The following SDC2 variants were observed in gnomAD, a reference collection of about 807,000 sequenced individuals.
SDC2 encodes syndecan-2.
In SDC2, 13 loss-of-function variants were observed where a neutral mutation model predicts 22.2. The ratio of observed to expected loss-of-function variants is 0.59; its 90% CI spans 0.38 to 0.93. The LOEUF (loss-of-function observed/expected upper bound fraction) is 0.93. Among genes scored for constraint, SDC2 ranks in the 40% least tolerant of loss-of-function variants. The probability of loss-of-function intolerance (pLI) is 0.00; values close to 1 mark genes in which losing one functional copy is unlikely to be tolerated. For missense variants in SDC2, 235 were observed against 246.8 expected, an observed-to-expected ratio of 0.95 and a Z score of 0.32; for synonymous variants, 94 against 92.8, an observed-to-expected ratio of 1.01 and a Z score of -0.07.
At chr8:96,587,179 C>T (rs1814701415) in intron 1 of SDC2, among the ~76,000 whole-genome samples, 2 of 152,198 alleles carry the variant, frequency 1.3e-5, no homozygotes, top group African/African-American at 4.8e-5. Flanking sequence ...CTGCCTTGGC[C>T]TCCCAAAGTG....
At chr8:96,604,617 G>A (rs777800313) in intron 3 of SDC2, among the ~76,000 whole-genome samples, 4 of 149,430 alleles carry the variant, frequency 2.7e-5, no homozygotes, top group African/African-American at 5.0e-5. Context: ...TGGTCTCACA[G>A]TGGCATTAAT....
At chr8:96,536,246 A>T (rs1813752797) in intron 1 of SDC2, among the ~76,000 whole-genome samples, 1 of 152,000 alleles carries the variant, frequency 6.6e-6, no homozygotes, top group Non-Finnish European at 1.5e-5. Flanking sequence ...GGAGGCAGTG[A>T]CGTGGGTACT....
intron 1 of SDC2, chr8:96,586,599 C>T (rs1814691611): frequency 6.6e-6 from 1 of 152,238 alleles, no homozygotes; most frequent in Admixed American, 6.5e-5. Context: ...ATTCTGTCAT[C>T]TCCCAGACCT....
intron 1 of SDC2, among the ~76,000 whole-genome samples, chr8:96,534,001 G>A (rs867359974): frequency 6.6e-5 from 10 of 152,186 alleles, no homozygotes; most frequent in South Asian, 2.1e-4. Flanking sequence ...CAGTGCCGGC[G>A]GGCCAGCACT....
chr8:96,545,217 T>C (rs1813912408), intron 1 of SDC2, among the ~76,000 whole-genome samples: 3 of 152,360 alleles, frequency 2.0e-5, no homozygotes, highest in African/African-American at 7.2e-5. Context: ...AAGTCGAAAT[T>C]CAGTGGATAA....
At chr8:96,518,031 T>C (rs1813433701) in intron 1 of SDC2, among the ~76,000 whole-genome samples, 1 of 152,084 alleles carries the variant, frequency 6.6e-6, no homozygotes, top group African/African-American at 2.4e-5. Flanking sequence ...CTCCCTGAAA[T>C]GGAATGCCTT....
At chr8:96,539,393 G>A (rs1243215401) in intron 1 of SDC2, among the ~76,000 whole-genome samples, 1 of 152,170 alleles carries the variant, frequency 6.6e-6, no homozygotes, top group African/African-American at 2.4e-5. Flanking sequence ...GTAGGGTTGT[G>A]CACGTATAAA....
intron 1 of SDC2, among the ~76,000 whole-genome samples, chr8:96,548,121 CAATAAT>C (rs1164703254): frequency 6.6e-6 from 1 of 152,110 alleles, no homozygotes; most frequent in Non-Finnish European, 1.5e-5. Flanking sequence ...TTACTTCCAA[CAATAAT>C]AATAATGATA....
At chr8:96,546,439 C>T (rs988848199) in intron 1 of SDC2, among the ~76,000 whole-genome samples, 1 of 152,024 alleles carries the variant, frequency 6.6e-6, no homozygotes, top group African/African-American at 2.4e-5. Flanking sequence ...AGAACAAATT[C>T]CTATTAGTGA....
At chr8:96,545,006 G>A (rs1022661759) in intron 1 of SDC2, among the ~76,000 whole-genome samples, 6 of 152,184 alleles carry the variant, frequency 3.9e-5, no homozygotes, top group Non-Finnish European at 5.9e-5. Context: ...AGTTGAGGTC[G>A]TTTTTAGAAG....
intron 1 of SDC2, among the ~76,000 whole-genome samples, chr8:96,575,908 C>T (rs1043778539): frequency 2.0e-5 from 3 of 152,204 alleles, no homozygotes; most frequent in African/African-American, 7.2e-5. Flanking sequence ...AAGTTCCTTA[C>T]TGTGACTGGA....
chr8:96,574,196 C>T (rs1814449307), intron 1 of SDC2, among the ~76,000 whole-genome samples: 1 of 151,980 alleles, frequency 6.6e-6, no homozygotes, highest in African/African-American at 2.4e-5. Context: ...TAGGGGGTCT[C>T]GCAAGTCTCT....
At chr8:96,580,150 C>G (rs1814566535) in intron 1 of SDC2, among the ~76,000 whole-genome samples, 1 of 152,202 alleles carries the variant, frequency 6.6e-6, no homozygotes, top group African/African-American at 2.4e-5. Context: ...TTGTGGTCAT[C>G]ACCGGTGGGC....
At chr8:96,553,173 G>C (rs2130542239) in intron 1 of SDC2, among the ~76,000 whole-genome samples, 1 of 152,196 alleles carries the variant, frequency 6.6e-6, no homozygotes. Flanking sequence ...AAATGTGTCT[G>C]TGAGGTATAA....
At chr8:96,504,797 A>AT (rs1454882456) in intron 1 of SDC2, among the ~76,000 whole-genome samples, 5 of 151,830 alleles carry the variant, frequency 3.3e-5, no homozygotes, top group South Asian at 2.1e-4. Context: ...TTTATTTTGT[A>AT]TTTTTTTTGT....
chr8:96,544,541 A>G (rs181200998), intron 1 of SDC2, among the ~76,000 whole-genome samples: 2 of 152,104 alleles, frequency 1.3e-5, no homozygotes, highest in South Asian at 2.1e-4. Context: ...GAGTTCCTGT[A>G]GTGCCTTGAA....
In SDC2 at chr8:96,543,794, T is replaced by C. The variant is rs575520643; in HGVS notation, c.60+49463T>C. ...TAAAAATCATAACAGTATGTGTATATGAGTGTGTATTATAAGTGCGTGTTC... is the reference window on the plus strand; with the variant it reads ...TAAAAATCATAACAGTATGTGTATACGAGTGTGTATTATAAGTGCGTGTTC... On this transcript the variant is annotated intron_variant, in intron 1 of 4. Coordinates refer to ENST00000302190, the MANE Select transcript of SDC2 (RefSeq NM_002998.4). 2.0e-5 allele frequency among the ~76,000 whole-genome samples: 3 copies of C among 152,334 alleles called. No individual in the cohort carries two copies. The East Asian group carries it at 5.8e-4, about 29-fold the overall frequency.
intron 1 of SDC2, among the ~76,000 whole-genome samples, chr8:96,536,614 G>T (rs937260180): frequency 3.9e-5 from 6 of 152,212 alleles, no homozygotes; most frequent in Non-Finnish European, 8.8e-5. Context: ...GAGCCACTGA[G>T]TTGAGTACCT....
Position 96,604,067 on chromosome 8 carries a change from T to G in SDC2, c.306+1539T>G, listed in dbSNP as rs868449776. 3.4e-4 allele frequency among the ~76,000 whole-genome samples: 52 copies of G among 152,182 alleles called. 1 individual carries two copies. The highest frequency in any genetic ancestry group is 4.7e-4 in the Non-Finnish European group (32 of 68,032). The stretch of plus-strand genomic sequence containing the variant: ...AAAGATGCATTTGGCTCTTACCACA[T>G]TTTTATTTGACCACTTCTCTTGACT... On this transcript the variant is annotated intron_variant, in intron 3 of 4. Transcript: ENST00000302190.
Sources: gnomAD v4.1 joint callset for allele counts (sites outside exome capture counted in the v4.1 genomes callset) on GRCh38, gnomAD v4.1.1 for gene constraint, MANE v1.5 for transcripts, NCBI Gene and HGNC (gene_info 2026-07-23, HGNC 2026-07-21) for gene names.